NPAS3: variants seen among roughly 807,000 people sequenced by gnomAD.
NPAS3 encodes neuronal PAS domain-containing protein 3.
In NPAS3, 14 loss-of-function variants were observed where a neutral mutation model predicts 73.1. That is an observed-to-expected ratio of 0.19 (90% CI 0.13 to 0.30). The LOEUF is 0.30. Ranked by LOEUF, NPAS3 falls within the 10% of genes least tolerant of loss-of-function variation. The pLI, the probability that NPAS3 is intolerant of heterozygous loss-of-function variation, is 1.00. For synonymous variants in NPAS3, 620 were observed against 541.5 expected (o/e 1.14, Z -2.01); for missense variants, 1,096 against 1,250.0 (o/e 0.88, Z 1.86).
intron 2 of NPAS3, among the ~76,000 whole-genome samples, chr14:33,159,805 G>T (rs2044790894): frequency 6.6e-6 from 1 of 151,926 alleles, no homozygotes; most frequent in African/African-American, 2.4e-5. Flanking sequence ...CACCTGCCTC[G>T]GCCTCCCAAA....
chr14:33,327,053 T>C (rs1186238065), intron 3 of NPAS3, among the ~76,000 whole-genome samples: 17 of 152,220 alleles, frequency 1.1e-4, no homozygotes, highest in Admixed American at 1.3e-4. Context: ...TCTTTTTTTC[T>C]GGGCAAGCTG....
intron 3 of NPAS3, among the ~76,000 whole-genome samples, chr14:33,364,114 A>G (rs756432658): frequency 1.2e-4 from 18 of 152,356 alleles, no homozygotes; most frequent in Middle Eastern, 3.4e-3. Flanking sequence ...AGATGGTTTT[A>G]GAAACTGTCA....
intron 5 of NPAS3, among the ~76,000 whole-genome samples, chr14:33,645,868 T>C (rs1192119096): frequency 6.6e-6 from 1 of 152,176 alleles, no homozygotes; most frequent in Non-Finnish European, 1.5e-5. Context: ...ACTACATGAG[T>C]GCATGCGTCT....
At chr14:33,501,010 A>G (rs2052486800) in intron 4 of NPAS3, among the ~76,000 whole-genome samples, 1 of 152,042 alleles carries the variant, frequency 6.6e-6, no homozygotes, top group South Asian at 2.1e-4. Flanking sequence ...AAAAATATTC[A>G]TACTTAGGAT....
chr14:33,755,985 T>C (rs1181703287), intron 7 of NPAS3, among the ~76,000 whole-genome samples: 1 of 152,072 alleles, frequency 6.6e-6, no homozygotes, highest in Non-Finnish European at 1.5e-5. Context: ...GGGAGACCAT[T>C]CATCTATTCA....
chr14:33,665,369 A>C (rs1049542049), intron 5 of NPAS3, among the ~76,000 whole-genome samples: 1 of 152,138 alleles, frequency 6.6e-6, no homozygotes, highest in African/African-American at 2.4e-5. Context: ...GGGTGCAGCA[A>C]ACCACCATGG....
downstream of NPAS3, chr14:33,801,270 T>C (rs2063709772): frequency 5.8e-6 from 8 of 1,375,580 alleles, no homozygotes; most frequent in African/African-American, 4.4e-5. Flanking sequence ...ACCTGACTTA[T>C]TCTTTCGTGT....
At chr14:33,727,486 A>C (rs2061300392) in intron 6 of NPAS3, among the ~76,000 whole-genome samples, 1 of 152,134 alleles carries the variant, frequency 6.6e-6, no homozygotes, top group Non-Finnish European at 1.5e-5. Context: ...ATTGAACATG[A>C]CTTTTTAATA....
At chr14:33,284,887 T>C (rs2041811114) in intron 3 of NPAS3, among the ~76,000 whole-genome samples, 2 of 152,082 alleles carry the variant, frequency 1.3e-5, no homozygotes, top group Non-Finnish European at 2.9e-5. Flanking sequence ...CCAACCCTTA[T>C]AGAGGTGAAG....
chr14:33,194,520 T>C (rs992608768), intron 2 of NPAS3, among the ~76,000 whole-genome samples: 2 of 152,204 alleles, frequency 1.3e-5, no homozygotes, highest in Non-Finnish European at 2.9e-5. Context: ...CGTATTTCAG[T>C]TGAAAGGAGA....
At chr14:33,568,679 G>A (rs184657938) in intron 5 of NPAS3, among the ~76,000 whole-genome samples, 6 of 152,238 alleles carry the variant, frequency 3.9e-5, no homozygotes, top group Admixed American at 2.0e-4. Context: ...AATCTATATT[G>A]GGTTTTAGCT....
At chr14:33,478,383 A>G (rs1022598854) in intron 4 of NPAS3, among the ~76,000 whole-genome samples, 2 of 152,218 alleles carry the variant, frequency 1.3e-5, no homozygotes, top group Admixed American at 6.5e-5. Context: ...TCATGATAAT[A>G]TAAAATATTA....
At chr14:33,087,169 A>ACT in intron 2 of NPAS3, among the ~76,000 whole-genome samples, 1 of 90,472 alleles carries the variant, frequency 1.1e-5, no homozygotes, top group Admixed American at 1.0e-4. Context: ...AATATTGTAT[A>ACT]ATATATAGTA....
chr14:33,714,052 G>A (rs2140508325), intron 6 of NPAS3, among the ~76,000 whole-genome samples: 1 of 152,130 alleles, frequency 6.6e-6, no homozygotes, highest in South Asian at 2.1e-4. Flanking sequence ...CCCCTTCTCA[G>A]TGAGGTCTTC....
chr14:32,935,153 AAC>A, upstream of NPAS3: 1 of 311,620 alleles, frequency 3.2e-6, no homozygotes, highest in Non-Finnish European at 5.2e-6. Context: ...GAGGAAGAAA[AAC>A]ACACTTCACT....
chr14:33,799,772 C>A, exon 12 of NPAS3: 1 of 1,600,750 alleles, frequency 6.2e-7, no homozygotes, highest in Non-Finnish European at 8.5e-7. Context: ...GAAGGGGAAC[C>A]AGTCCGAGAA....
intron 5 of NPAS3, among the ~76,000 whole-genome samples, chr14:33,621,453 C>T (rs920863848): frequency 5.9e-5 from 9 of 152,026 alleles, no homozygotes; most frequent in South Asian, 2.1e-4. Flanking sequence ...TATCATTGTG[C>T]GTATATTTAA....
At chr14:33,311,075 G>A (rs1271599721) in intron 3 of NPAS3, among the ~76,000 whole-genome samples, 1 of 152,100 alleles carries the variant, frequency 6.6e-6, no homozygotes, top group African/African-American at 2.4e-5. Context: ...GAACATGCTT[G>A]TTTTCCTTCC....
At chr14:33,378,437 A>C (rs796737415) in intron 4 of NPAS3, among the ~76,000 whole-genome samples, 13 of 152,202 alleles carry the variant, frequency 8.5e-5, no homozygotes, top group African/African-American at 3.1e-4. Context: ...GGAGTTCAAG[A>C]CCAGCCTGAC....
Sources: gnomAD v4.1 joint callset for allele counts (sites outside exome capture counted in the v4.1 genomes callset) on GRCh38, gnomAD v4.1.1 for gene constraint, MANE v1.5 for transcripts, NCBI Gene and HGNC (gene_info 2026-07-23, HGNC 2026-07-21) for gene names.